Variants in UTP23 observed in about 807,000 individuals in gnomAD.
UTP23 encodes the protein rRNA-processing protein UTP23 homolog.
A neutral mutation model predicts 19.8 loss-of-function variants in UTP23; 10 were observed. The ratio of observed to expected loss-of-function variants is 0.50; its 90% CI spans 0.31 to 0.86. The LOEUF (loss-of-function observed/expected upper bound fraction) is 0.86, where lower values mean the gene tolerates loss of function less well. UTP23 is among the 40% of genes least tolerant of loss of function. The probability of loss-of-function intolerance (pLI) is 0.05; values close to 1 mark genes in which losing one functional copy is unlikely to be tolerated. For missense variants in UTP23, 282 were observed against 293.1 expected (o/e 0.96, Z 0.28); for synonymous variants, 108 against 105.4 (o/e 1.02, Z -0.15).
Position 116,771,909 on chromosome 8 carries a change from A to G in UTP23, c.*67A>G. 6.7e-7 allele frequency: 1 copy of G among 1,482,730 alleles called. No homozygotes were observed. The highest frequency in any genetic ancestry group is 8.9e-7 in the Non-Finnish European group (1 of 1,126,934). The allele number at this position is 1,482,730 out of a possible 1,614,324, so 91.8% of individuals were successfully genotyped here. On this transcript the variant is annotated 3_prime_UTR_variant, in exon 3 of 3. Coordinates refer to ENST00000309822, the MANE Select transcript of UTP23 (RefSeq NM_032334.3). ...ATTTTTTACAACTAGAAGTATTTAT[A>G]ATAAAAGACCAAACTTATTTTTGTA... is the stretch of plus-strand genomic sequence containing the variant.
rs961126204 is a variant in UTP23, at chr8:116,773,006, T to G, written c.*1164T>G. 8 of 985,208 alleles carry G rather than the reference T, an allele frequency of 8.1e-6. No homozygotes were observed. Among genetic ancestry groups the G allele is most frequent in the Non-Finnish European group, 9.6e-6 (8 of 829,922 alleles). The allele number at this position is 985,208 out of a possible 1,614,324, so 61.0% of individuals were successfully genotyped here. A position where few individuals can be genotyped will look rare whatever the true frequency, so the allele number is the denominator to read the frequency against. On this transcript the variant is annotated 3_prime_UTR_variant, in exon 3 of 3. Transcript: ENST00000309822. The stretch of plus-strand genomic sequence containing the variant: ...TCATGATGACGTATGAGTAAATTCT[T>G]AATGGTTAAATGTGAGACAGTTCAC...
intron 2 of UTP23, chr8:116,770,576 G>T: frequency 2.1e-5 from 9 of 438,334 alleles, no homozygotes; most frequent in East Asian, 7.6e-5. Flanking sequence ...TGGAAGGTTG[G>T]GTTTTGTTTT....
rs1815694225 is a variant in UTP23 at position 116,774,135 on chromosome 8, C to A, written c.*2293C>A. ...TGGGGATAAAAGTGTAATACATGCA[C>A]TTTTGAACTCTGAAAGTTTGCCAAT... On this transcript the variant is annotated 3_prime_UTR_variant, in exon 3 of 3. Transcript: ENST00000309822. The A allele has an allele frequency of 9.1e-6, 9 of 985,220 alleles. No individual in the cohort carries two copies. In the South Asian group the frequency reaches 2.8e-4, roughly 31 times the overall value. 61.0% of individuals were successfully genotyped at this position (985,220 alleles called of 1,614,324 possible).
Position 116,773,899 on chromosome 8 carries a change from C to G in UTP23, c.*2057C>G. On this transcript the variant is annotated 3_prime_UTR_variant, in exon 3 of 3. Transcript: ENST00000309822. Reference sequence around the variant, plus strand: ...AAAATTACTTTAAAAGATATTTTAACAAAAGTCTCATATCCTTGTACTTCA... The same window carrying G: ...AAAATTACTTTAAAAGATATTTTAAGAAAAGTCTCATATCCTTGTACTTCA... 1.0e-6 allele frequency: 1 copy of G among 960,084 alleles called. No individual in the cohort carries two copies. Among genetic ancestry groups the G allele is most frequent in the Non-Finnish European group, 1.2e-6 (1 of 806,960 alleles). 59.5% of individuals were successfully genotyped at this position (960,084 alleles called of 1,614,324 possible).
Position 116,772,638 on chromosome 8 carries a change from C to G in UTP23, c.*796C>G. The G allele has an allele frequency of 1.0e-6, 1 of 984,712 alleles. No individual in the cohort carries two copies. 61.0% of individuals were successfully genotyped at this position (984,712 alleles called of 1,614,324 possible). On this transcript the variant is annotated 3_prime_UTR_variant, in exon 3 of 3. Coordinates refer to ENST00000309822, the MANE Select transcript of UTP23 (RefSeq NM_032334.3). ...TTTGTTTGTTTGAGTTCTACTTGTC[C>G]AATAAGGATGATGATTTTCTTTTAG...
At chr8:116,766,886 G>C (rs1815589226) in intron 1 of UTP23, 95 bp downstream of exon 1, 1 of 1,244,704 alleles carries the variant, frequency 8.0e-7, no homozygotes, top group Admixed American at 2.9e-5. Flanking sequence ...GAGCTCAGGA[G>C]GTGCAAAACG....
At chr8:116,770,441 G>GA (rs906330298) in intron 2 of UTP23, 75 bp downstream of exon 2, 9 of 1,390,004 alleles carry the variant, frequency 6.5e-6, no homozygotes, top group South Asian at 1.7e-5. Flanking sequence ...TTTATAATCA[G>GA]AAAAAAGTTA....
In UTP23 at chr8:116,774,547, AGG is replaced by A; in HGVS notation, c.*2706_*2707del. 1.5e-6 allele frequency: 1 copy of A among 660,006 alleles called. No homozygotes were observed. The highest frequency in any genetic ancestry group is 1.9e-6 in the Non-Finnish European group (1 of 533,820). The allele number at this position is 660,006 out of a possible 1,614,324, so 40.9% of individuals were successfully genotyped here. On this transcript the variant is annotated 3_prime_UTR_variant, in exon 3 of 3. Transcript: ENST00000309822. ...ATCTCCAAGATATATATATGTATAT[AGG>A]TATATACACATATGTATATATACAT...
At position 116,773,480 on chromosome 8, in the gene UTP23, T is replaced by G. The variant is rs1815685654; in HGVS notation, c.*1638T>G. 1.0e-6 allele frequency: 1 copy of G among 984,000 alleles called. No homozygotes were observed. The allele number at this position is 984,000 out of a possible 1,614,324, so 61.0% of individuals were successfully genotyped here. On this transcript the variant is annotated 3_prime_UTR_variant, in exon 3 of 3. Coordinates refer to ENST00000309822, the MANE Select transcript of UTP23 (RefSeq NM_032334.3). ...AAAAATCCACTTTTTTATGAAGCAG[T>G]AATTATAGAAGTACTAAAAATTACA...
chr8:116,769,916 C>T (rs931745886), intron 1 of UTP23, among the ~76,000 whole-genome samples: 4 of 152,062 alleles, frequency 2.6e-5, no homozygotes, highest in South Asian at 2.1e-4. Flanking sequence ...TCAAGGTAAG[C>T]GACCTAACTT....
At chr8:116,767,580 A>G (rs531581827) in intron 1 of UTP23, among the ~76,000 whole-genome samples, 5 of 152,340 alleles carry the variant, frequency 3.3e-5, no homozygotes, top group Non-Finnish European at 5.9e-5. Flanking sequence ...ATTTGAGCCC[A>G]TTCACTTGTT....
In UTP23 at chr8:116,774,262, TG is replaced by T. The variant is rs1268803862; in HGVS notation, c.*2422del. Reference sequence around the variant, plus strand: ...CGATACTGTATTCTTTACATTTTTATGGCCCTACAGCTACTTCTTATCCCTG... The same window carrying T: ...CGATACTGTATTCTTTACATTTTTATGCCCTACAGCTACTTCTTATCCCTG... On this transcript the variant is annotated 3_prime_UTR_variant, in exon 3 of 3. Coordinates refer to ENST00000309822, the MANE Select transcript of UTP23 (RefSeq NM_032334.3). 5 of 985,302 alleles carry T rather than the reference TG, an allele frequency of 5.1e-6. No individual in the cohort carries two copies. The African/African-American group carries it at 8.7e-5, about 17-fold the overall frequency. The allele number at this position is 985,302 out of a possible 1,614,324, so 61.0% of individuals were successfully genotyped here.
chr8:116,766,807 TG>T lies in UTP23; in HGVS notation c.188+20del. On this transcript the variant is annotated intron_variant, in intron 1 of 2. Coordinates refer to ENST00000309822, the MANE Select transcript of UTP23 (RefSeq NM_032334.3). ...GCACCACAAGGTGGGCCCGGGGGGC[TG>T]GGGAGGAGGCACAGAGGGTCCGTCG... is the stretch of plus-strand genomic sequence containing the variant. 2 of 1,514,370 alleles carry T rather than the reference TG, an allele frequency of 1.3e-6. No individual in the cohort carries two copies. Among genetic ancestry groups the T allele is most frequent in the Non-Finnish European group, 1.8e-6 (2 of 1,129,054 alleles). The allele number at this position is 1,514,370 out of a possible 1,614,324, so 93.8% of individuals were successfully genotyped here. A position where few individuals can be genotyped will look rare whatever the true frequency, so the allele number is the denominator to read the frequency against.
chr8:116,772,820 C>T lies in UTP23; in HGVS notation c.*978C>T, dbSNP rs189861920. On this transcript the variant is annotated 3_prime_UTR_variant, in exon 3 of 3. Transcript: ENST00000309822. The stretch of plus-strand genomic sequence containing the variant: ...TGAAACGTGTCTCTCTGAATTCCCC[C>T]GGCAATTGTTTTAGTCATTTATCAG... 1,076 of 985,350 alleles carry T rather than the reference C, an allele frequency of 1.1e-3. 10 individuals are homozygous for T. The African/African-American group carries it at 0.015, about 13-fold the overall frequency. 61.0% of individuals were successfully genotyped at this position (985,350 alleles called of 1,614,324 possible).
rs764930472 is a variant in UTP23, at chr8:116,770,370, A to G, written c.363+4A>G. The stretch of plus-strand genomic sequence containing the variant: ...TCATTATTTTGTGGCAACACAGGTG[A>G]TACTACTTTTAAAACCACAGGCAAT... On this transcript the variant is annotated splice_donor_region_variant and intron_variant, in intron 2 of 2. Transcript: ENST00000309822. The G allele has an allele frequency of 1.9e-6, 3 of 1,598,284 alleles. No homozygotes were observed. The highest frequency in any genetic ancestry group is 4.5e-5 in the East Asian group (2 of 44,562).
intron 1 of UTP23, among the ~76,000 whole-genome samples, chr8:116,769,498 C>T (rs1485238942): frequency 4.6e-5 from 7 of 152,122 alleles, no homozygotes; most frequent in African/African-American, 1.7e-4. Flanking sequence ...GTGGTTTGAT[C>T]TTAGACATGG....
rs1815586165 is a variant in UTP23 at position 116,766,765 on chromosome 8, G to C, written c.162G>C (p.Met54Ile). The C allele has an allele frequency of 6.3e-7, 1 of 1,581,962 alleles. No individual in the cohort carries two copies. Among genetic ancestry groups the C allele is most frequent in the South Asian group, 1.1e-5 (1 of 88,152 alleles). The change falls in exon 1 of 3, where the codon ATG (methionine) becomes ATC (isoleucine). Residue 54 changes from methionine (M) to isoleucine (I), a missense_variant. Transcript: ENST00000309822. Reference sequence around the variant, plus strand: ...GGGAGCAGCTGCCCCGCTACCTCATGGGGGAGACGCAGCTGTGCACCACAA... The same window carrying C: ...GGGAGCAGCTGCCCCGCTACCTCATCGGGGAGACGCAGCTGTGCACCACAA... The part of the protein sequence containing the change: ...QLREQLPRYL[M>I]GETQLCTTRC...
At position 116,774,169 on chromosome 8, in the gene UTP23, G is replaced by A; in HGVS notation, c.*2327G>A. On this transcript the variant is annotated 3_prime_UTR_variant, in exon 3 of 3. Coordinates refer to ENST00000309822, the MANE Select transcript of UTP23 (RefSeq NM_032334.3). ...TCTGAAAGTTTGCCAATCTGAAAAG[G>A]GGTGTTTCTGAAGACCACTATCTTT... 1.0e-6 allele frequency: 1 copy of A among 985,326 alleles called. No homozygotes were observed. Among genetic ancestry groups the A allele is most frequent in the Non-Finnish European group, 1.2e-6 (1 of 829,918 alleles). The allele number at this position is 985,326 out of a possible 1,614,324, so 61.0% of individuals were successfully genotyped here.
rs930943641 is a variant in UTP23, at chr8:116,774,656, C to T, written c.*2814C>T. 2.3e-5 allele frequency: 19 copies of T among 821,522 alleles called. No individual in the cohort carries two copies. Among genetic ancestry groups the T allele is most frequent in the Admixed American group, 1.3e-4 (2 of 15,698 alleles). The allele number at this position is 821,522 out of a possible 1,614,324, so 50.9% of individuals were successfully genotyped here. On this transcript the variant is annotated 3_prime_UTR_variant, in exon 3 of 3. Transcript: ENST00000309822. ...TATATTAGTCATTGATGTATTTTGC[C>T]GGTAAAATTAAAAGATATTTTAACA...
Sources: gnomAD v4.1 joint callset for allele counts (sites outside exome capture counted in the v4.1 genomes callset) on GRCh38, gnomAD v4.1.1 for gene constraint, MANE v1.5 for transcripts, NCBI Gene and HGNC (gene_info 2026-07-23, HGNC 2026-07-21) for gene names.